Variants in WDR43 observed in about 807,000 individuals in gnomAD.
WDR43 encodes WD repeat-containing protein 43.
A neutral mutation model predicts 91.4 loss-of-function variants in WDR43; 13 were observed. The observed-to-expected ratio is 0.14, with a 90% CI of 0.09 to 0.23. The LOEUF is 0.23. Among genes scored for constraint, WDR43 ranks in the 10% least tolerant of loss-of-function variants. WDR43 has a pLI of 1.00. For missense variants in WDR43, 780 were observed against 809.4 expected (o/e 0.96, Z 0.44); for synonymous variants, 331 against 287.9 (o/e 1.15, Z -1.51).
chr2:28,947,635 T>G lies in WDR43; in HGVS notation c.*856T>G, dbSNP rs887110587. On this transcript the variant is annotated 3_prime_UTR_variant, in exon 18 of 18. Coordinates refer to ENST00000407426, the MANE Select transcript of WDR43 (RefSeq NM_015131.3). Reference sequence around the variant, plus strand: ...TAATGGATCAAAGAACAATTGTTTATTTTTTCTCTTTGGTTTTAGATATTA... The same window carrying G: ...TAATGGATCAAAGAACAATTGTTTAGTTTTTCTCTTTGGTTTTAGATATTA... 3.3e-5 allele frequency: 5 copies of G among 152,038 alleles called. No homozygotes were observed. Among genetic ancestry groups the G allele is most frequent in the Non-Finnish European group, 7.4e-5 (5 of 68,010 alleles). 9.4% of individuals were successfully genotyped at this position (152,038 alleles called of 1,614,324 possible).
In WDR43 at chr2:28,906,500, A is replaced by G; in HGVS notation, c.404A>G (p.His135Arg). Residue 135 changes from histidine (H) to arginine (R), a missense_variant, in exon 3 of 18, where the codon CAT becomes CGT. Coordinates refer to ENST00000407426, the MANE Select transcript of WDR43 (RefSeq NM_015131.3). ...HDNRVNCIQW[H>R]QDSGCLYSCS... ...AACAGAGTCAACTGCATACAGTGGC[A>G]TCAAGACAGTGGCTGTTTATATAGT... 6.3e-7 allele frequency: 1 copy of G among 1,591,674 alleles called. No individual in the cohort carries two copies. The highest frequency in any genetic ancestry group is 1.1e-5 in the South Asian group (1 of 87,632).
intron 6 of WDR43, among the ~76,000 whole-genome samples, chr2:28,918,752 T>C (rs1392259841): frequency 1.3e-5 from 2 of 152,186 alleles, no homozygotes; most frequent in African/African-American, 2.4e-5. Flanking sequence ...AATTAGGGAT[T>C]CGATGATTAA....
At chr2:28,912,540 AAAGTT>A in intron 3 of WDR43, 45 bp from the exon 4 acceptor site, 1 of 1,583,798 alleles carries the variant, frequency 6.3e-7, no homozygotes, top group Non-Finnish European at 8.6e-7. Flanking sequence ...TGCTCTGAGT[AAAGTT>A]TTCTCTCATG....
intron 7 of WDR43, among the ~76,000 whole-genome samples, chr2:28,923,344 A>G (rs1671071919): frequency 6.6e-6 from 1 of 152,166 alleles, no homozygotes; most frequent in African/African-American, 2.4e-5. Flanking sequence ...TTTGATAGAC[A>G]GGGGAGTATT....
At chr2:28,941,652 A>T (rs933590247) in intron 15 of WDR43, 78 bp downstream of exon 15, 6 of 1,137,210 alleles carry the variant, frequency 5.3e-6, no homozygotes, top group African/African-American at 4.6e-5. Context: ...TCATTTTGAG[A>T]CAGGGTCTTG....
chr2:28,946,034 T>C (rs926139301), intron 16 of WDR43, among the ~76,000 whole-genome samples: 1 of 152,190 alleles, frequency 6.6e-6, no homozygotes, highest in Non-Finnish European at 1.5e-5. Context: ...AATATACTTT[T>C]ATACATGTAA....
intron 15 of WDR43, among the ~76,000 whole-genome samples, chr2:28,941,908 T>G (rs559088269): frequency 6.6e-6 from 1 of 152,290 alleles, no homozygotes; most frequent in East Asian, 1.9e-4. Context: ...AGCTCCCTGT[T>G]TCAGTAAGAA....
chr2:28,942,234 A>T, intron 15 of WDR43, 78 bp from the exon 16 acceptor site: 1 of 1,394,462 alleles, frequency 7.2e-7, no homozygotes, highest in Non-Finnish European at 1.0e-6. Flanking sequence ...GCAGTGGGGA[A>T]GGTTGGGTAT....
chr2:28,918,735 A>C (rs958204850), intron 6 of WDR43, among the ~76,000 whole-genome samples: 1 of 152,132 alleles, frequency 6.6e-6, no homozygotes, highest in African/African-American at 2.4e-5. Flanking sequence ...AGAATTTTTC[A>C]TGTAAAAATT....
intron 12 of WDR43, among the ~76,000 whole-genome samples, chr2:28,936,236 A>G (rs139926046): frequency 2.7e-4 from 41 of 152,236 alleles, no homozygotes; most frequent in African/African-American, 9.4e-4. Flanking sequence ...CTTGCCCTAC[A>G]AGAGTGGGTA....
intron 3 of WDR43, among the ~76,000 whole-genome samples, chr2:28,910,425 C>T (rs1670769567): frequency 6.6e-6 from 1 of 152,050 alleles, no homozygotes; most frequent in African/African-American, 2.4e-5. Context: ...AAAGTTCTCT[C>T]GTACATTATA....
intron 2 of WDR43, among the ~76,000 whole-genome samples, chr2:28,903,633 TC>T (rs1670617477): frequency 6.6e-6 from 1 of 152,206 alleles, no homozygotes; most frequent in African/African-American, 2.4e-5. Context: ...AAAGCATTCT[TC>T]CCTATATTCT....
At chr2:28,937,529 T>A (rs1045824521) in intron 13 of WDR43, among the ~76,000 whole-genome samples, 3 of 152,256 alleles carry the variant, frequency 2.0e-5, no homozygotes, top group Admixed American at 6.5e-5. Context: ...TATTTGCCTT[T>A]TAATGTTAAT....
At chr2:28,896,107 A>G (rs983001934) in intron 1 of WDR43, among the ~76,000 whole-genome samples, 3 of 152,316 alleles carry the variant, frequency 2.0e-5, no homozygotes, top group African/African-American at 7.2e-5. Context: ...AAAAAAAATC[A>G]GTTTTTATTG....
chr2:28,916,169 C>T (rs1013723650), intron 5 of WDR43, among the ~76,000 whole-genome samples: 2 of 152,112 alleles, frequency 1.3e-5, no homozygotes, highest in African/African-American at 4.8e-5. Flanking sequence ...CTCTCAGAGA[C>T]TTGTTGACAG....
intron 5 of WDR43, 102 bp downstream of exon 5, chr2:28,914,310 A>G (rs1670865278): frequency 7.5e-7 from 1 of 1,342,162 alleles, no homozygotes; most frequent in Admixed American, 3.0e-5. Context: ...TGTTGTATCT[A>G]ATGTTGGATT....
chr2:28,943,547 C>G (rs1278524780), intron 16 of WDR43, among the ~76,000 whole-genome samples: 1 of 152,076 alleles, frequency 6.6e-6, no homozygotes, highest in Non-Finnish European at 1.5e-5. Flanking sequence ...CTCAAATACC[C>G]TGAGTAGCAA....
At chr2:28,912,409 C>G (rs528678975) in intron 3 of WDR43, among the ~76,000 whole-genome samples, 181 bp from the exon 4 acceptor site, 25 of 152,296 alleles carry the variant, frequency 1.6e-4, no homozygotes, top group African/African-American at 6.0e-4. Context: ...ATCAATGAAG[C>G]TTTTATCACA....
At chr2:28,913,391 C>T (rs988830059) in intron 4 of WDR43, among the ~76,000 whole-genome samples, 2 of 152,170 alleles carry the variant, frequency 1.3e-5, no homozygotes, top group South Asian at 2.1e-4. Flanking sequence ...ACTGCAGTGA[C>T]GCCATCATAG....
Sources: allele counts gnomAD v4.1 joint callset (sites outside exome capture counted in the v4.1 genomes callset), GRCh38; gene constraint gnomAD v4.1.1; transcripts MANE v1.5; gene names NCBI Gene and HGNC (gene_info 2026-07-23, HGNC 2026-07-21).